The following MICU2 variants were observed in gnomAD, a reference collection of about 807,000 sequenced individuals.
The protein encoded by MICU2 is calcium uptake protein 2, mitochondrial.
Under a neutral mutation model 60.4 loss-of-function variants are expected in MICU2, and 64 were observed. The ratio of observed to expected loss-of-function variants is 1.06; its 90% CI spans 0.87 to 1.31. The LOEUF is 1.31. Among genes scored for constraint, MICU2 ranks in the 50% most tolerant of loss-of-function variants. The pLI is 0.00. For synonymous variants in MICU2, 201 were observed against 175.0 expected (o/e 1.15, Z -1.17); for missense variants, 569 against 531.0 (o/e 1.07, Z -0.70).
chr13:21,525,237 G>A (rs1174132236), intron 4 of MICU2, among the ~76,000 whole-genome samples: 2 of 124,092 alleles, frequency 1.6e-5, no homozygotes, highest in Non-Finnish European at 3.1e-5. Flanking sequence ...CTGTCGCCCA[G>A]GCTGGAGTGC....
At chr13:21,589,663 C>T (rs1888534815) in intron 1 of MICU2, among the ~76,000 whole-genome samples, 2 of 152,142 alleles carry the variant, frequency 1.3e-5, no homozygotes, top group Non-Finnish European at 2.9e-5. Context: ...ACCTGTTCCA[C>T]CCTGACTCAT....
At chr13:21,596,897 T>C (rs886417406) in intron 1 of MICU2, among the ~76,000 whole-genome samples, 2 of 152,180 alleles carry the variant, frequency 1.3e-5, no homozygotes, top group Non-Finnish European at 2.9e-5. Flanking sequence ...AATGCAAAAA[T>C]AGTTTATTAA....
At chr13:21,495,811 G>C (rs549850815) in intron 10 of MICU2, 6 of 356,512 alleles carry the variant, frequency 1.7e-5, no homozygotes, top group Admixed American at 9.1e-5. Flanking sequence ...TGGGATTACA[G>C]GCATGAGCCA....
At chr13:21,509,859 A>G (rs3814795) in intron 8 of MICU2, 145 bp downstream of exon 8, 4 of 437,538 alleles carry the variant, frequency 9.1e-6, no homozygotes, top group Non-Finnish European at 1.6e-5. Context: ...TTTAGTTCTC[A>G]GAGATAAATA....
intron 6 of MICU2, among the ~76,000 whole-genome samples, chr13:21,517,412 C>T (rs1041413377): frequency 3.9e-5 from 6 of 152,136 alleles, no homozygotes; most frequent in South Asian, 2.1e-4. Context: ...AGATAAATCC[C>T]TGCCTTTTAA....
intron 1 of MICU2, among the ~76,000 whole-genome samples, chr13:21,588,769 A>C (rs1192569040): frequency 6.6e-6 from 1 of 152,216 alleles, no homozygotes; most frequent in Non-Finnish European, 1.5e-5. Flanking sequence ...AGGAAAAATA[A>C]GACATCGTAA....
intron 1 of MICU2, among the ~76,000 whole-genome samples, chr13:21,601,581 C>G (rs1353966806): frequency 1.3e-5 from 2 of 151,842 alleles, no homozygotes; most frequent in East Asian, 3.9e-4. Flanking sequence ...TAGTGTGAAG[C>G]TTTTAGAATC....
At chr13:21,553,430 T>C (rs1012048901) in intron 2 of MICU2, among the ~76,000 whole-genome samples, 1 of 152,108 alleles carries the variant, frequency 6.6e-6, no homozygotes, top group Admixed American at 6.6e-5. Flanking sequence ...TCCTTCCTTC[T>C]CCTGCCTGAC....
intron 2 of MICU2, among the ~76,000 whole-genome samples, chr13:21,565,021 C>T (rs1229584546): frequency 1.3e-5 from 2 of 152,200 alleles, no homozygotes; most frequent in Non-Finnish European, 2.9e-5. Context: ...TGCTTGCCTT[C>T]AGTTTCCAGC....
At chr13:21,516,392 G>A (rs1034574725) in intron 6 of MICU2, among the ~76,000 whole-genome samples, 4 of 152,140 alleles carry the variant, frequency 2.6e-5, no homozygotes, top group African/African-American at 7.2e-5. Context: ...TTGTTTGCCT[G>A]TCAGTAGTCT....
At chr13:21,519,399 CTT>C (rs1317585173) in intron 6 of MICU2, among the ~76,000 whole-genome samples, 1 of 152,098 alleles carries the variant, frequency 6.6e-6, no homozygotes, top group Non-Finnish European at 1.5e-5. Context: ...TCCCATTGCT[CTT>C]GTCTTCCTCA....
chr13:21,502,349 T>G (rs1886195241), intron 9 of MICU2, among the ~76,000 whole-genome samples: 1 of 152,158 alleles, frequency 6.6e-6, no homozygotes, highest in Non-Finnish European at 1.5e-5. Flanking sequence ...ACTTGAAACC[T>G]CACCACTGTA....
chr13:21,540,727 G>C (rs1471563531), intron 2 of MICU2, among the ~76,000 whole-genome samples: 1 of 152,074 alleles, frequency 6.6e-6, no homozygotes, highest in Non-Finnish European at 1.5e-5. Flanking sequence ...TTTACTCACT[G>C]GAGAAACTAT....
intron 9 of MICU2, among the ~76,000 whole-genome samples, chr13:21,500,369 A>G (rs1326249098): frequency 1.3e-5 from 2 of 151,776 alleles, no homozygotes; most frequent in Non-Finnish European, 2.9e-5. Flanking sequence ...GATATATTAA[A>G]TAGGGAAAAA....
chr13:21,589,343 T>C (rs750382714), intron 1 of MICU2, among the ~76,000 whole-genome samples: 1 of 152,192 alleles, frequency 6.6e-6, no homozygotes, highest in Non-Finnish European at 1.5e-5. Context: ...CATACATCCG[T>C]AGGTTGGTGC....
chr13:21,579,714 A>C (rs2138056071), intron 1 of MICU2, among the ~76,000 whole-genome samples: 1 of 152,308 alleles, frequency 6.6e-6, no homozygotes, highest in South Asian at 2.1e-4. Context: ...AATTTGCCAA[A>C]GTCTCCCTTT....
intron 1 of MICU2, among the ~76,000 whole-genome samples, chr13:21,574,724 G>A (rs1483456480): frequency 1.3e-5 from 2 of 152,136 alleles, no homozygotes; most frequent in African/African-American, 4.8e-5. Flanking sequence ...TTCATTTGGG[G>A]CCTTTATTTT....
intron 9 of MICU2, among the ~76,000 whole-genome samples, chr13:21,502,512 T>A (rs1886200148): frequency 6.6e-6 from 1 of 152,200 alleles, no homozygotes; most frequent in Non-Finnish European, 1.5e-5. Flanking sequence ...GGTACTTTAT[T>A]GAATTCTTAT....
intron 1 of MICU2, among the ~76,000 whole-genome samples, chr13:21,601,109 A>G (rs967391353): frequency 6.6e-6 from 1 of 151,944 alleles, no homozygotes; most frequent in African/African-American, 2.4e-5. Flanking sequence ...CATATTCACT[A>G]TTATTATAGG....
Sources: gnomAD v4.1 joint callset for allele counts (sites outside exome capture counted in the v4.1 genomes callset) on GRCh38, gnomAD v4.1.1 for gene constraint, MANE v1.5 for transcripts, NCBI Gene and HGNC (gene_info 2026-07-23, HGNC 2026-07-21) for gene names.